The following SRPK2 variants were observed in gnomAD, a reference collection of about 807,000 sequenced individuals.
The protein encoded by SRPK2 is SFRS protein kinase 2.
SRPK2 carries 21 observed loss-of-function variants against 90.8 expected under a neutral mutation model. The observed-to-expected ratio is 0.23, with a 90% CI of 0.16 to 0.33. The LOEUF is 0.33. SRPK2 is among the 10% of genes least tolerant of loss of function. The pLI is 1.00. For synonymous variants in SRPK2, 288 were observed against 311.1 expected, an observed-to-expected ratio of 0.93 and a Z score of 0.78; for missense variants, 620 against 869.0, an observed-to-expected ratio of 0.71 and a Z score of 3.60.
At chr7:105,182,764 G>C (rs1429222846) in intron 3 of SRPK2, among the ~76,000 whole-genome samples, 9 of 152,086 alleles carry the variant, frequency 5.9e-5, no homozygotes, top group Non-Finnish European at 2.9e-5. Flanking sequence ...CACAGTGCCT[G>C]GCAAGTTTTG....
At chr7:105,382,838 T>C (rs1445070289) in intron 2 of SRPK2, among the ~76,000 whole-genome samples, 2 of 152,080 alleles carry the variant, frequency 1.3e-5, no homozygotes, top group Non-Finnish European at 2.9e-5. Context: ...AGTGACACAA[T>C]TTGTTAGAAC....
chr7:105,366,000 G>A (rs184110196), intron 2 of SRPK2, among the ~76,000 whole-genome samples: 8 of 151,898 alleles, frequency 5.3e-5, no homozygotes, highest in African/African-American at 1.7e-4. Flanking sequence ...GACTACAGGC[G>A]CACGCTACCA....
At chr7:105,373,404 C>CT (rs60572082) in intron 2 of SRPK2, among the ~76,000 whole-genome samples, 51,145 of 127,358 alleles carry the variant, frequency 0.4, 12,169 homozygotes, top group Non-Finnish European at 0.53. Context: ...TTTTCTTTTC[C>CT]TTTTTTTTTT....
chr7:105,388,040 C>T (rs1055197530), intron 2 of SRPK2, among the ~76,000 whole-genome samples: 2 of 152,158 alleles, frequency 1.3e-5, no homozygotes, highest in African/African-American at 2.4e-5. Context: ...AATCCAAACC[C>T]GAGAGCCGAA....
chr7:105,349,024 T>C lies in SRPK2; in HGVS notation c.71+39624A>G, dbSNP rs187009192. 2.0e-3 allele frequency among the ~76,000 whole-genome samples: 299 copies of C among 151,496 alleles called. 3 individuals are homozygous for C. Among genetic ancestry groups the C allele is most frequent in the African/African-American group, 7.0e-3 (288 of 41,330 alleles). Reference sequence around the variant, plus strand: ...AGCCGGGCGTGGTGGCGCTTTCCTGTAATCCTAGCTACTTGGAAGGCAGAG... The same window carrying C: ...AGCCGGGCGTGGTGGCGCTTTCCTGCAATCCTAGCTACTTGGAAGGCAGAG... On this transcript the variant is annotated intron_variant, in intron 2 of 15. Transcript: ENST00000393651.
chr7:105,176,218 A>G (rs1045270932), intron 3 of SRPK2, among the ~76,000 whole-genome samples: 4 of 152,232 alleles, frequency 2.6e-5, no homozygotes, highest in Admixed American at 2.6e-4. Context: ...ATGCTAAAAA[A>G]GAAAATCTAT....
intron 2 of SRPK2, among the ~76,000 whole-genome samples, chr7:105,290,053 T>G (rs1294512509): frequency 6.6e-6 from 1 of 152,090 alleles, no homozygotes; most frequent in Non-Finnish European, 1.5e-5. Context: ...CTGTCTTATA[T>G]GAGCACAGTT....
chr7:105,143,979 T>G (rs1804171577), intron 9 of SRPK2: 1 of 152,282 alleles, frequency 6.6e-6, no homozygotes, highest in African/African-American at 2.4e-5. Flanking sequence ...AACTTGAGCT[T>G]CTCAGCAGGC....
chr7:105,205,086 A>G (rs1239850156), intron 2 of SRPK2, among the ~76,000 whole-genome samples: 1 of 152,166 alleles, frequency 6.6e-6, no homozygotes, highest in African/African-American at 2.4e-5. Flanking sequence ...AGGCCAAAGG[A>G]GCTGCCTCAA....
intron 2 of SRPK2, among the ~76,000 whole-genome samples, chr7:105,207,260 G>A (rs938324922): frequency 1.3e-5 from 2 of 152,144 alleles, no homozygotes; most frequent in African/African-American, 4.8e-5. Flanking sequence ...CCTCAGCCTG[G>A]TGGGTAGCTA....
At chr7:105,121,537 T>G (rs1800384566) in intron 15 of SRPK2, among the ~76,000 whole-genome samples, 1 of 152,194 alleles carries the variant, frequency 6.6e-6, no homozygotes, top group Non-Finnish European at 1.5e-5. Flanking sequence ...TTCCTGTGAC[T>G]ATCAGCTGTC....
chr7:105,220,886 C>T (rs1798015843), intron 2 of SRPK2, among the ~76,000 whole-genome samples: 1 of 152,036 alleles, frequency 6.6e-6, no homozygotes, highest in Non-Finnish European at 1.5e-5. Context: ...TAGTCTAATC[C>T]TTTCAAAAAG....
intron 2 of SRPK2, among the ~76,000 whole-genome samples, chr7:105,364,023 G>C (rs1362784163): frequency 6.6e-6 from 1 of 151,410 alleles, no homozygotes; most frequent in Non-Finnish European, 1.5e-5. Context: ...ATCACACACT[G>C]GGGCCTGTCG....
chr7:105,362,490 C>A (rs1464638911), intron 2 of SRPK2, among the ~76,000 whole-genome samples: 1 of 148,158 alleles, frequency 6.7e-6, no homozygotes, highest in African/African-American at 2.5e-5. Context: ...GCACTCCAGC[C>A]TGGGCGACAG....
chr7:105,139,305 A>G (rs953169777), intron 11 of SRPK2, among the ~76,000 whole-genome samples: 11 of 152,234 alleles, frequency 7.2e-5, no homozygotes, highest in African/African-American at 1.2e-4. Flanking sequence ...CCTCCATAAT[A>G]GGAGAGGCAA....
chr7:105,349,913 A>T (rs1309639517), intron 2 of SRPK2, among the ~76,000 whole-genome samples: 1 of 151,360 alleles, frequency 6.6e-6, no homozygotes, highest in African/African-American at 2.4e-5. Flanking sequence ...TAATTTTTGT[A>T]TTCTTAGTAG....
intron 3 of SRPK2, among the ~76,000 whole-genome samples, chr7:105,185,038 C>G (rs1337327990): frequency 6.6e-6 from 1 of 152,020 alleles, no homozygotes; most frequent in African/African-American, 2.4e-5. Context: ...AACTTTAGTA[C>G]GTGAACTTGG....
chr7:105,233,456 G>C (rs1799760994), intron 2 of SRPK2, among the ~76,000 whole-genome samples: 1 of 152,168 alleles, frequency 6.6e-6, no homozygotes. Flanking sequence ...GGACTGACAG[G>C]CTCTTTAATG....
At chr7:105,229,985 A>T (rs1799228408) in intron 2 of SRPK2, among the ~76,000 whole-genome samples, 1 of 152,200 alleles carries the variant, frequency 6.6e-6, no homozygotes, top group Non-Finnish European at 1.5e-5. Context: ...CGTGGGACTG[A>T]ACTGGATCTG....
Sources: gnomAD v4.1 joint callset for allele counts (sites outside exome capture counted in the v4.1 genomes callset) on GRCh38, gnomAD v4.1.1 for gene constraint, MANE v1.5 for transcripts, NCBI Gene and HGNC (gene_info 2026-07-23, HGNC 2026-07-21) for gene names.